The following VWA3B variants were observed in gnomAD, a reference collection of about 807,000 sequenced individuals.
VWA3B encodes the protein von Willebrand factor A domain containing 3B, also known as von Willebrand factor A domain-containing protein 3B.
VWA3B carries 138 observed loss-of-function variants against 158.3 expected under a neutral mutation model. The observed-to-expected ratio is 0.87, with a 90% CI of 0.76 to 1.00. The LOEUF (loss-of-function observed/expected upper bound fraction) is 1.00, where lower values mean the gene tolerates loss of function less well. Ranked by LOEUF, VWA3B falls within the 50% of genes least tolerant of loss-of-function variation. VWA3B has a pLI of 0.00. For synonymous variants in VWA3B, 596 were observed against 587.3 expected (o/e 1.01, Z -0.21); for missense variants, 1,555 against 1,565.1 (o/e 0.99, Z 0.11).
intron 18 of VWA3B, 35 bp from the exon 19 acceptor site, chr2:98,236,539 G>T: frequency 6.2e-7 from 1 of 1,613,810 alleles, no homozygotes; most frequent in Non-Finnish European, 8.5e-7. Flanking sequence ...CCATCAAGTT[G>T]TAAATTTTAA....
At chr2:98,261,753 A>T (rs1687495013) in intron 21 of VWA3B, among the ~76,000 whole-genome samples, 1 of 151,618 alleles carries the variant, frequency 6.6e-6, no homozygotes, top group African/African-American at 2.4e-5. Flanking sequence ...ATAGTTGATG[A>T]TGTGAAATCA....
chr2:98,096,460 G>A lies in VWA3B; in HGVS notation c.196+3172G>A, dbSNP rs965070079. 2.6e-5 allele frequency among the ~76,000 whole-genome samples: 4 copies of A among 152,154 alleles called. No individual in the cohort carries two copies. The South Asian group carries it at 8.3e-4, about 32-fold the overall frequency. ...ATTTTTGTATTTTTAGTAGAGACGG[G>A]ATTTCACCATGTTGGTCAGGCTGGT... On this transcript the variant is annotated intron_variant, in intron 2 of 27. Coordinates refer to ENST00000477737, the MANE Select transcript of VWA3B (RefSeq NM_144992.5).
In VWA3B at chr2:98,212,028, G is replaced by C. The variant is rs1683570386; in HGVS notation, c.1836G>C (p.Gln612His). ...TTCTGACCGATGGGAGACCTGATCA[G>C]GTACTTACCAGAGCTGGGAACAAAG... is the stretch of plus-strand genomic sequence containing the variant. Reference protein sequence around the residue: ...IYLLTDGRPDQPPETVIDQVK... With the variant: ...IYLLTDGRPDHPPETVIDQVK... Residue 612 changes from glutamine (Q) to histidine (H), a missense_variant and splice_region_variant, in exon 13 of 28, where the codon CAG becomes CAC. Gln to His is a conservative substitution (Grantham distance 24). Coordinates refer to ENST00000477737, the MANE Select transcript of VWA3B (RefSeq NM_144992.5). The C allele has an allele frequency of 1.2e-6, 2 of 1,613,652 alleles. No homozygotes were observed. The highest frequency in any genetic ancestry group is 1.1e-5 in the South Asian group (1 of 91,048).
intron 5 of VWA3B, among the ~76,000 whole-genome samples, chr2:98,122,777 G>A (rs770125108): frequency 2.0e-5 from 3 of 152,120 alleles, no homozygotes; most frequent in Non-Finnish European, 4.4e-5. Context: ...CTTCTGGTTC[G>A]TGCCTCTCCT....
At chr2:98,157,730 G>T (rs796738115) in intron 7 of VWA3B, among the ~76,000 whole-genome samples, 37 of 152,336 alleles carry the variant, frequency 2.4e-4, no homozygotes, top group African/African-American at 7.9e-4. Context: ...CTGCAAGCTC[G>T]CCACCTGGCG....
chr2:98,304,675 T>A (rs528930848), intron 26 of VWA3B, among the ~76,000 whole-genome samples: 1 of 152,134 alleles, frequency 6.6e-6, no homozygotes, highest in African/African-American at 2.4e-5. Flanking sequence ...GATCTGTCCA[T>A]TGGGCTCCAG....
chr2:98,206,968 C>T, intron 12 of VWA3B: 1 of 481,940 alleles, frequency 2.1e-6, no homozygotes, highest in Non-Finnish European at 4.1e-6. Context: ...GATGAATGAA[C>T]CACATGCTAC....
chr2:98,265,427 T>C (rs1442718820), intron 21 of VWA3B, among the ~76,000 whole-genome samples: 1 of 152,074 alleles, frequency 6.6e-6, no homozygotes, highest in Non-Finnish European at 1.5e-5. Flanking sequence ...CCACATTTTC[T>C]TAATCCAGTC....
chr2:98,178,208 G>A (rs1187308129), intron 8 of VWA3B, among the ~76,000 whole-genome samples: 3 of 152,076 alleles, frequency 2.0e-5, no homozygotes, highest in South Asian at 2.1e-4. Context: ...TTGAGCTCCC[G>A]GAGAAGCGTG....
At position 98,133,913 on chromosome 2, in the gene VWA3B, G is replaced by C; in HGVS notation, c.962G>C (p.Arg321Thr). The C allele has an allele frequency of 6.2e-7, 1 of 1,614,048 alleles. No homozygotes were observed. The highest frequency in any genetic ancestry group is 8.5e-7 in the Non-Finnish European group (1 of 1,179,976). ...DGDNVMTWNS[R>T]KLKGKLPPGA... ...GACAATGTGATGACTTGGAATTCAA[G>C]GAAACTGAAAGGAAAACTCCCTCCA... Residue 321 changes from arginine (R) to threonine (T), a missense_variant, in exon 7 of 28, where the codon AGG becomes ACG. Coordinates refer to ENST00000477737, the MANE Select transcript of VWA3B (RefSeq NM_144992.5).
rs377163680 is a variant in VWA3B at position 98,298,091 on chromosome 2, C to T, written c.3282+60C>T. ...TCACCATCCACAGAGTTTTGAATAA[C>T]AGAACGCCAAGGCCACTGTTTGGCC... On this transcript the variant is annotated intron_variant, in intron 24 of 27. Coordinates refer to ENST00000477737, the MANE Select transcript of VWA3B (RefSeq NM_144992.5). 212 of 1,375,702 alleles carry T rather than the reference C, an allele frequency of 1.5e-4. No individual in the cohort carries two copies. In the East Asian group the frequency reaches 2.4e-3, roughly 15 times the overall value. The allele number at this position is 1,375,702 out of a possible 1,614,324, so 85.2% of individuals were successfully genotyped here. A position where few individuals can be genotyped will look rare whatever the true frequency, so the allele number is the denominator to read the frequency against.
chr2:98,221,130 TAA>T (rs571507143), intron 14 of VWA3B, among the ~76,000 whole-genome samples: 3 of 143,658 alleles, frequency 2.1e-5, no homozygotes, highest in Non-Finnish European at 1.5e-5. Context: ...GAACTTAAAG[TAA>T]AAAAAAAAAA....
Position 98,217,874 on chromosome 2 carries a change from A to C in VWA3B, c.1865A>C (p.Lys622Thr), listed in dbSNP as rs876657414. Residue 622 changes from lysine to threonine, a missense_variant, in exon 14 of 28, where the codon AAA becomes ACA. Transcript: ENST00000477737. ...QPPETVIDQVKRFQEIPIYTI... is the reference protein window; with the variant it reads ...QPPETVIDQVTRFQEIPIYTI... ...CCTGAAACAGTTATAGACCAGGTCA[A>C]ACGTTTTCAGGAAATTCCTATTTAT... 2.2e-5 allele frequency: 36 copies of C among 1,610,240 alleles called. No homozygotes were observed. The East Asian group carries it at 8.1e-4, about 36-fold the overall frequency.
chr2:98,236,686 GTTCC>G lies in VWA3B; in HGVS notation c.2630_2633del (p.Val877AlafsTer28). The G allele has an allele frequency of 6.2e-7, 1 of 1,614,214 alleles. No homozygotes were observed. Among genetic ancestry groups the G allele is most frequent in the Non-Finnish European group, 8.5e-7 (1 of 1,180,042 alleles). On this transcript the variant is annotated frameshift_variant, in exon 19 of 28. Transcript: ENST00000477737. LOFTEE classifies it high-confidence loss of function. Reference sequence around the variant, plus strand: ...AGCAGTCCCGCACAGCTCCACCTATGTTCCCGTCCTGGACAAGCATGTCGTGTCT... The same window carrying G: ...AGCAGTCCCGCACAGCTCCACCTATGCGTCCTGGACAAGCATGTCGTGTCT...
At chr2:98,178,426 A>AG (rs1680197598) in intron 8 of VWA3B, among the ~76,000 whole-genome samples, 1 of 152,220 alleles carries the variant, frequency 6.6e-6, no homozygotes, top group African/African-American at 2.4e-5. Context: ...ATTAATGGGC[A>AG]GGTCCTTTAC....
At chr2:98,091,812 A>G (rs191909571) in intron 1 of VWA3B, among the ~76,000 whole-genome samples, 2 of 152,314 alleles carry the variant, frequency 1.3e-5, no homozygotes, top group East Asian at 3.9e-4. Flanking sequence ...AAAGTTTTAC[A>G]ATTCAGGGTA....
the VWA3B span, among the ~76,000 whole-genome samples, chr2:98,328,771 A>G: frequency 6.6e-6 from 1 of 152,236 alleles, no homozygotes; most frequent in Admixed American, 6.5e-5. Flanking sequence ...CCAAACCTCT[A>G]TAAATTCAAT....
chr2:98,119,774 A>G lies in VWA3B; in HGVS notation c.542+11A>G. 3 of 1,611,654 alleles carry G rather than the reference A, an allele frequency of 1.9e-6. No individual in the cohort carries two copies. Among genetic ancestry groups the G allele is most frequent in the South Asian group, 2.2e-5 (2 of 90,956 alleles). ...GTTCAATATCATACGGTGAGTTCCCATAGGAAGGGAGTATTTTAGTGAAAG... is the reference window on the plus strand; with the variant it reads ...GTTCAATATCATACGGTGAGTTCCCGTAGGAAGGGAGTATTTTAGTGAAAG... On this transcript the variant is annotated intron_variant, in intron 4 of 27. Transcript: ENST00000477737.
At chr2:98,305,256 C>T (rs911151041) in intron 26 of VWA3B, among the ~76,000 whole-genome samples, 2 of 152,220 alleles carry the variant, frequency 1.3e-5, no homozygotes, top group African/African-American at 4.8e-5. Flanking sequence ...CCAGGCTGCT[C>T]TCCTGTGCTT....
Sources: gnomAD v4.1 joint callset for allele counts (sites outside exome capture counted in the v4.1 genomes callset) on GRCh38, gnomAD v4.1.1 for gene constraint, MANE v1.5 for transcripts, NCBI Gene and HGNC (gene_info 2026-07-23, HGNC 2026-07-21) for gene names.